The following TTF2 variants were observed in gnomAD, a reference collection of about 807,000 sequenced individuals.
The protein encoded by TTF2 is transcription termination factor 2.
TTF2 carries 108 observed loss-of-function variants against 142.4 expected under a neutral mutation model. The ratio of observed to expected loss-of-function variants is 0.76; its 90% CI spans 0.65 to 0.89. The LOEUF is 0.89. Among genes scored for constraint, TTF2 ranks in the 40% least tolerant of loss-of-function variants. The pLI is 0.00. For missense variants in TTF2, 1,327 were observed against 1,379.8 expected (o/e 0.96, Z 0.61); for synonymous variants, 483 against 506.2 (o/e 0.95, Z 0.61).
chr1:117,089,919 T>C (rs1266971359), intron 13 of TTF2, 136 bp from the exon 14 acceptor site: 2 of 986,148 alleles, frequency 2.0e-6, no homozygotes, highest in African/African-American at 3.3e-5. Context: ...TGCTATGAAA[T>C]TCACTTTTAA....
chr1:117,091,374 C>A lies in TTF2; in HGVS notation c.2635C>A (p.Gln879Lys). The part of the protein sequence containing the change: ...YLKRHESRGN[Q>K]SGRSPNNPFS... ...AAAAAGACATGAAAGTAGAGGCAAC[C>A]AATCTGGAAGAAGCCCTAATAATCC... Residue 879 changes from glutamine to lysine, a missense_variant, in exon 16 of 23, where the codon CAA becomes AAA. Transcript: ENST00000369466. 1 of 1,613,424 alleles carries A rather than the reference C, an allele frequency of 6.2e-7. No homozygotes were observed. Among genetic ancestry groups the A allele is most frequent in the Non-Finnish European group, 8.5e-7 (1 of 1,179,882 alleles).
intron 3 of TTF2, among the ~76,000 whole-genome samples, chr1:117,071,508 CA>C (rs1436304542): frequency 1.3e-5 from 2 of 152,072 alleles, no homozygotes; most frequent in Admixed American, 6.5e-5. Flanking sequence ...GAAAGGTAAA[CA>C]AAAAACTAAT....
rs544471365 is a variant in TTF2 at position 117,085,232 on chromosome 1, A to G, written c.2054+1064A>G. On this transcript the variant is annotated intron_variant, in intron 11 of 22. Coordinates refer to ENST00000369466, the MANE Select transcript of TTF2 (RefSeq NM_003594.4). This position sits in a 1 kb window ranked among gnomAD's most constrained non-coding sequence, Gnocchi z 4.7. ...ACACTGCTGCCTCTCTGAATTAGGC[A>G]TATCATTTTTATCAAAAGTATTTAT... Among the ~76,000 whole-genome samples, 56 of 152,354 alleles carry G rather than the reference A, an allele frequency of 3.7e-4. No individual in the cohort carries two copies. Among genetic ancestry groups the G allele is most frequent in the African/African-American group, 1.2e-3 (49 of 41,584 alleles).
rs1437459555 is a variant in TTF2 at position 117,063,362 on chromosome 1, A to G, written c.218+889A>G. 1.3e-5 allele frequency among the ~76,000 whole-genome samples: 2 copies of G among 152,170 alleles called. No homozygotes were observed. The highest frequency in any genetic ancestry group is 1.9e-4 in the East Asian group (1 of 5,192). Reference sequence around the variant, plus strand: ...AGATCCGAGTCAAAATATTACCCCAATAAGTGCCATCAGTCCCCTTCAAGT... The same window carrying G: ...AGATCCGAGTCAAAATATTACCCCAGTAAGTGCCATCAGTCCCCTTCAAGT... On this transcript the variant is annotated intron_variant, in intron 3 of 22. Transcript: ENST00000369466. The surrounding 1 kb of genome is among the most constrained non-coding windows in gnomAD (Gnocchi z 4.1).
rs748551477 is a variant in TTF2, at chr1:117,079,614, G to A, written c.1748G>A (p.Trp583Ter). The change falls in exon 9 of 23, where the codon TGG becomes TAG. Residue 583 changes from tryptophan (W) to a stop codon, truncating the protein, a stop_gained. Coordinates refer to ENST00000369466, the MANE Select transcript of TTF2 (RefSeq NM_003594.4). LOFTEE classifies it high-confidence loss of function. This position sits in a 1 kb window ranked among gnomAD's most constrained non-coding sequence, Gnocchi z 4.2. ...AAGCAGGCATTGGCTTGGTTACTATGGCGAGAAAGTCAGAAGCCACAAGGA... is the reference window on the plus strand; with the variant it reads ...AAGCAGGCATTGGCTTGGTTACTATAGCGAGAAAGTCAGAAGCCACAAGGA... ...HQKQALAWLL[W>*]RESQKPQGGI... is the part of the protein sequence containing the mutation. 10 of 1,614,088 alleles carry A rather than the reference G, an allele frequency of 6.2e-6. No individual in the cohort carries two copies. The highest frequency in any genetic ancestry group is 7.6e-6 in the Non-Finnish European group (9 of 1,180,052).
rs776200480 is a variant in TTF2 at position 117,098,899 on chromosome 1, C to T, written c.3336C>T (p.Val1112=). Reference sequence around the variant, plus strand: ...GAGTAGGGCAGCAGAAAGATGTTGTCATACACAGGTAAGTAATGGTCCCCA... The same window carrying T: ...GAGTAGGGCAGCAGAAAGATGTTGTTATACACAGGTAAGTAATGGTCCCCA... ...IYRVGQQKDV[V]IHRFVCEGTV... is the part of the protein sequence containing the mutation. The change falls in exon 22 of 23, where the codon GTC becomes GTT. Residue 1112 remains valine, a synonymous_variant. Transcript: ENST00000369466. 1 of 1,612,786 alleles carries T rather than the reference C, an allele frequency of 6.2e-7. No homozygotes were observed.
At chr1:117,082,062 A>G in intron 10 of TTF2, 115 bp downstream of exon 10, 1 of 1,437,436 alleles carries the variant, frequency 7.0e-7, no homozygotes, top group South Asian at 1.2e-5. Context: ...ACTCTACTGG[A>G]AAACCAGTAT....
rs778690673 is a variant in TTF2, at chr1:117,095,343, A to C, written c.3011A>C (p.Gln1004Pro). 14 of 1,614,100 alleles carry C rather than the reference A, an allele frequency of 8.7e-6. No homozygotes were observed. The highest frequency in any genetic ancestry group is 2.7e-5 in the African/African-American group (2 of 74,934). ...SSLLAELEAI[Q>P]RNSASQKSVI... ...CTGTTGGCAGAATTGGAGGCAATTC[A>C]AAGAAATTCAGCATCCCAAAAGAGG... The change falls in exon 19 of 23, where the codon CAA becomes CCA. Residue 1004 changes from glutamine to proline, a missense_variant. Physicochemically the swap from Gln to Pro is moderately conservative, Grantham distance 76. Transcript: ENST00000369466.
rs112100501 is a variant in TTF2, at chr1:117,084,806, C to T, written c.2054+638C>T. On this transcript the variant is annotated intron_variant, in intron 11 of 22. Coordinates refer to ENST00000369466, the MANE Select transcript of TTF2 (RefSeq NM_003594.4). ...GAAGATCTAGATTGAATACTGGCTG[C>T]TGTAGTCAAGGATGAGAACAAAGTT... Among the ~76,000 whole-genome samples the T allele has an allele frequency of 2.6e-3, 402 of 152,242 alleles. 3 individuals are homozygous for T. The highest frequency in any genetic ancestry group is 9.2e-3 in the African/African-American group (381 of 41,524).
rs370700314 is a variant in TTF2, at chr1:117,099,070, C to T, written c.3344+163C>T. Among the ~76,000 whole-genome samples the T allele has an allele frequency of 1.2e-4, 19 of 152,090 alleles. No homozygotes were observed. Among genetic ancestry groups the T allele is most frequent in the East Asian group, 7.8e-4 (4 of 5,156 alleles). On this transcript the variant is annotated intron_variant, in intron 22 of 22. Coordinates refer to ENST00000369466, the MANE Select transcript of TTF2 (RefSeq NM_003594.4). This position sits in a 1 kb window ranked among gnomAD's most constrained non-coding sequence, Gnocchi z 4.3. The stretch of plus-strand genomic sequence containing the variant: ...AGGCAAACCACAGTCAGGAGAAAAA[C>T]GAGCAATTTGGGGTAAGCTTGAAGT...
At chr1:117,078,088 C>G (rs1657165463) in intron 8 of TTF2, 45 bp downstream of exon 8, 1 of 1,589,608 alleles carries the variant, frequency 6.3e-7, no homozygotes, top group Admixed American at 1.7e-5. Context: ...TGACAGTGCT[C>G]CAGCAGCCCC....
intron 2 of TTF2, 69 bp from the exon 3 acceptor site, chr1:117,062,318 G>A: frequency 6.9e-7 from 1 of 1,442,284 alleles, no homozygotes; most frequent in East Asian, 2.3e-5. Context: ...CCATAGTTTT[G>A]ATTTGACTTT....
intron 19 of TTF2, 68 bp downstream of exon 19, chr1:117,095,435 G>A (rs957627734): frequency 6.8e-7 from 1 of 1,467,526 alleles, no homozygotes; most frequent in Admixed American, 1.7e-5. Flanking sequence ...ATTGCCAAGA[G>A]TTATAAATCA....
In TTF2 at chr1:117,074,996, T is replaced by C. The variant is rs1266159702; in HGVS notation, c.412T>C (p.Trp138Arg). 1 of 1,613,802 alleles carries C rather than the reference T, an allele frequency of 6.2e-7. No individual in the cohort carries two copies. The highest frequency in any genetic ancestry group is 1.3e-5 in the African/African-American group (1 of 74,820). ...TGACAAGAATCAAGAACCAGCTCTC[T>C]GGAAACAGCTCATCAAAGGTGAAGG... is the stretch of plus-strand genomic sequence containing the variant. ...VLDKNQEPALWKQLIKGEGEE... is the reference protein window; with the variant it reads ...VLDKNQEPALRKQLIKGEGEE... The change falls in exon 5 of 23, where the codon TGG (tryptophan) becomes CGG (arginine). Residue 138 changes from tryptophan (W) to arginine (R), a missense_variant. Physicochemically the swap from Trp to Arg is moderately radical, Grantham distance 101. Coordinates refer to ENST00000369466, the MANE Select transcript of TTF2 (RefSeq NM_003594.4).
intron 3 of TTF2, among the ~76,000 whole-genome samples, chr1:117,065,939 G>A (rs954312097): frequency 6.7e-6 from 1 of 150,230 alleles, no homozygotes; most frequent in African/African-American, 2.5e-5. Flanking sequence ...TGAAAATAGG[G>A]CAAAGAGACC....
chr1:117,083,700 G>A (rs1476378241), intron 10 of TTF2, among the ~76,000 whole-genome samples: 1 of 152,164 alleles, frequency 6.6e-6, no homozygotes, highest in Non-Finnish European at 1.5e-5. Context: ...AAGTGTTTCA[G>A]TTTAAAAGAC....
rs566497448 is a variant in TTF2, at chr1:117,103,013, G to A, written c.*1489G>A. 4 of 152,248 alleles carry A rather than the reference G, an allele frequency of 2.6e-5. No homozygotes were observed. The highest frequency in any genetic ancestry group is 9.6e-5 in the African/African-American group (4 of 41,522). The allele number at this position is 152,248 out of a possible 1,614,324, so 9.4% of individuals were successfully genotyped here. On this transcript the variant is annotated 3_prime_UTR_variant, in exon 23 of 23. Coordinates refer to ENST00000369466, the MANE Select transcript of TTF2 (RefSeq NM_003594.4). ...CGATTGATGTAAGTCACTTCTAGGTGGCCCTCTACCACTTTCCAAAAGATC... is the reference window on the plus strand; with the variant it reads ...CGATTGATGTAAGTCACTTCTAGGTAGCCCTCTACCACTTTCCAAAAGATC...
intron 2 of TTF2, among the ~76,000 whole-genome samples, chr1:117,061,769 G>A (rs1288624811): frequency 2.0e-5 from 3 of 152,192 alleles, no homozygotes; most frequent in African/African-American, 4.8e-5. Flanking sequence ...AGTGGTATTT[G>A]AAGACAATTA....
chr1:117,096,067 G>C lies in TTF2; in HGVS notation c.3036-82G>C, dbSNP rs1273831448. On this transcript the variant is annotated intron_variant, in intron 19 of 22. Transcript: ENST00000369466. ...GTCAACATTTGATAGCTAACCTTAA[G>C]AATGATGAGGGCATTAAAGCCCTGC... The C allele has an allele frequency of 6.6e-6, 10 of 1,506,442 alleles. No homozygotes were observed. The East Asian group carries it at 6.8e-5, about 10-fold the overall frequency. The allele number at this position is 1,506,442 out of a possible 1,614,324, so 93.3% of individuals were successfully genotyped here. A position where few individuals can be genotyped will look rare whatever the true frequency, so the allele number is the denominator to read the frequency against.
Sources: allele counts gnomAD v4.1 joint callset (sites outside exome capture counted in the v4.1 genomes callset), GRCh38; gene constraint gnomAD v4.1.1; non-coding constraint Gnocchi (gnomAD v3.1); transcripts MANE v1.5; gene names NCBI Gene and HGNC (gene_info 2026-07-23, HGNC 2026-07-21).